The following PDIA4 variants were observed in gnomAD, a reference collection of about 807,000 sequenced individuals.
PDIA4 encodes protein disulfide-isomerase A4.
In PDIA4, 33 loss-of-function variants were observed where a neutral mutation model predicts 62.1. The ratio of observed to expected loss-of-function variants is 0.53; its 90% CI spans 0.40 to 0.71. The LOEUF (loss-of-function observed/expected upper bound fraction) is 0.71. Ranked by LOEUF, PDIA4 falls within the 30% of genes least tolerant of loss-of-function variation. The probability of loss-of-function intolerance (pLI) is 0.00; values close to 1 mark genes in which losing one functional copy is unlikely to be tolerated. For missense variants in PDIA4, 804 were observed against 813.6 expected, an observed-to-expected ratio of 0.99 and a Z score of 0.14; for synonymous variants, 341 against 324.1, an observed-to-expected ratio of 1.05 and a Z score of -0.56.
Position 149,011,834 on chromosome 7 carries a change from G to A in PDIA4, c.979+12C>T, listed in dbSNP as rs866765414. 1.3e-6 allele frequency: 2 copies of A among 1,554,530 alleles called. No homozygotes were observed. Among genetic ancestry groups the A allele is most frequent in the African/African-American group, 1.4e-5 (1 of 73,236 alleles). On this transcript the variant is annotated intron_variant, in intron 6 of 9. Transcript: ENST00000652332. ...ACGCACATTTTGTTCAGCCCAGAGG[G>A]CCACAACTCACCGGCATCCTGGTAT...
At chr7:149,005,433 C>A in intron 8 of PDIA4, 59 bp from the exon 9 acceptor site, 1 of 1,103,774 alleles carries the variant, frequency 9.1e-7, no homozygotes, top group East Asian at 2.4e-5. Context: ...CCAGCTCAGA[C>A]TCTGAGGTCA....
chr7:149,005,233 G>A lies in PDIA4; in HGVS notation c.1430C>T (p.Ala477Val). Residue 477 changes from alanine (A) to valine (V), a missense_variant, in exon 9 of 10, where the codon GCC (alanine) becomes GTC (valine). By Grantham distance (64) the Ala-to-Val change is moderately conservative. Coordinates refer to ENST00000652332, the MANE Select transcript of PDIA4 (RefSeq NM_004911.5). Reference protein sequence around the residue: ...LSESGEDVNAAILDESGKKFA... With the variant: ...LSESGEDVNAVILDESGKKFA... ...CTTCTTCCCACTCTCGTCCAGGATG[G>A]CGGCATTGACATCCTCCCCACTCTC... The A allele has an allele frequency of 1.9e-6, 3 of 1,614,092 alleles. No individual in the cohort carries two copies. The highest frequency in any genetic ancestry group is 2.5e-6 in the Non-Finnish European group (3 of 1,179,948).
At chr7:149,027,944 C>T (rs532832838) in intron 1 of PDIA4, 4 of 500,144 alleles carry the variant, frequency 8.0e-6, no homozygotes, top group Non-Finnish European at 1.6e-5. Context: ...CTCTCCCTTC[C>T]CACTGCCTGG....
rs1436488496 is a variant in PDIA4, at chr7:149,012,006, TG to T, written c.821-3del. The T allele has an allele frequency of 6.3e-7, 1 of 1,591,436 alleles. No individual in the cohort carries two copies. The highest frequency in any genetic ancestry group is 8.6e-7 in the Non-Finnish European group (1 of 1,167,278). ...GCTCGATCATGTAATCAACGATTCC[TG>T]GGAGCAGGGCACACGCCTGAGCAGG... On this transcript the variant is annotated splice_polypyrimidine_tract_variant and splice_region_variant and intron_variant, in intron 5 of 9. Transcript: ENST00000652332.
chr7:149,008,206 T>C lies in PDIA4; in HGVS notation c.1084A>G (p.Lys362Glu), dbSNP rs763615906. Reference sequence around the variant, plus strand: ...CGGGGCTCATACTTGGACTGGAATTTCTCAGGCTGCATTACAACCAACTGC... The same window carrying C: ...CGGGGCTCATACTTGGACTGGAATTCCTCAGGCTGCATTACAACCAACTGC... ...QGQLVVMQPE[K>E]FQSKYEPRSH... The change falls in exon 7 of 10, where the codon AAA becomes GAA. Residue 362 changes from lysine (K) to glutamate (E), a missense_variant. Transcript: ENST00000652332. 6.2e-7 allele frequency: 1 copy of C among 1,614,014 alleles called. No homozygotes were observed. Among genetic ancestry groups the C allele is most frequent in the Non-Finnish European group, 8.5e-7 (1 of 1,180,014 alleles).
intron 2 of PDIA4, 35 bp downstream of exon 2, chr7:149,020,932 T>C (rs2129505441): frequency 1.2e-6 from 2 of 1,608,074 alleles, no homozygotes; most frequent in Non-Finnish European, 1.7e-6. Flanking sequence ...AGCACAGCGC[T>C]TGTCCACCTG....
At chr7:149,027,441 G>A (rs937804912) in intron 1 of PDIA4, among the ~76,000 whole-genome samples, 2 of 152,190 alleles carry the variant, frequency 1.3e-5, no homozygotes, top group Non-Finnish European at 2.9e-5. Context: ...CATTATCAAA[G>A]AGTGTATATT....
chr7:149,010,758 C>T (rs1447028040), intron 6 of PDIA4, among the ~76,000 whole-genome samples: 1 of 152,226 alleles, frequency 6.6e-6, no homozygotes. Flanking sequence ...GCCCCATCTG[C>T]AGCCCTAACC....
In PDIA4 at chr7:149,028,445, G is replaced by T. The variant is rs1257284326; in HGVS notation, c.-37C>A. 4.3e-6 allele frequency: 6 copies of T among 1,389,858 alleles called. No individual in the cohort carries two copies. The highest frequency in any genetic ancestry group is 1.4e-5 in the South Asian group (1 of 73,004). 86.1% of individuals were successfully genotyped at this position (1,389,858 alleles called of 1,614,324 possible). A position where few individuals can be genotyped will look rare whatever the true frequency, so the allele number is the denominator to read the frequency against. ...CGGAGCGCGGCCTCCTAGCGTCGGC[G>T]GCCGCTGAGCGCACCGAGAACTCGG... On this transcript the variant is annotated 5_prime_UTR_variant, in exon 1 of 10. Transcript: ENST00000652332.
At chr7:149,007,561 T>G (rs1823806186) in intron 7 of PDIA4, among the ~76,000 whole-genome samples, 1 of 152,202 alleles carries the variant, frequency 6.6e-6, no homozygotes, top group Non-Finnish European at 1.5e-5. Context: ...GGGCCCCTTC[T>G]AAAGCACTCA....
intron 1 of PDIA4, among the ~76,000 whole-genome samples, chr7:149,025,034 C>T (rs1824498057): frequency 7.1e-6 from 1 of 141,018 alleles, no homozygotes; most frequent in African/African-American, 2.6e-5. Context: ...GACGCCATTG[C>T]ACTCCAGCCT....
chr7:149,018,433 CTGTT>C (rs1425639343), intron 3 of PDIA4, among the ~76,000 whole-genome samples: 7 of 151,470 alleles, frequency 4.6e-5, no homozygotes, highest in African/African-American at 1.7e-4. Flanking sequence ...CCTTACACTC[CTGTT>C]TATTTATTTT....
At chr7:149,027,349 C>A (rs1824593039) in intron 1 of PDIA4, among the ~76,000 whole-genome samples, 1 of 152,180 alleles carries the variant, frequency 6.6e-6, no homozygotes, top group African/African-American at 2.4e-5. Context: ...TGGGCAAAGA[C>A]TCTTTTTGAA....
chr7:149,010,990 G>A lies in PDIA4; in HGVS notation c.979+856C>T, dbSNP rs544148891. Among the ~76,000 whole-genome samples, 32 of 152,324 alleles carry A rather than the reference G, an allele frequency of 2.1e-4. 1 individual carries two copies. The highest frequency in any genetic ancestry group is 6.2e-4 in the South Asian group (3 of 4,830). ...CAAGTTTCTTCCTGACTAGTTAGGC[G>A]TGAATAACAAGGCCACCTAATTAAC... On this transcript the variant is annotated intron_variant, in intron 6 of 9. Coordinates refer to ENST00000652332, the MANE Select transcript of PDIA4 (RefSeq NM_004911.5).
At chr7:149,015,156 C>G (rs1824084557) in intron 3 of PDIA4, 114 bp from the exon 4 acceptor site, 3 of 1,048,674 alleles carry the variant, frequency 2.9e-6, no homozygotes, top group Middle Eastern at 3.0e-4. Context: ...CCCACAAGAA[C>G]AGGAGGTGTC....
Position 149,004,149 on chromosome 7 carries a change from T to G in PDIA4, c.1583A>C (p.Lys528Thr), listed in dbSNP as rs141944697. The G allele has an allele frequency of 1.2e-6, 2 of 1,614,152 alleles. No individual in the cohort carries two copies. Among genetic ancestry groups the G allele is most frequent in the Non-Finnish European group, 1.7e-6 (2 of 1,180,026 alleles). Reference sequence around the variant, plus strand: ...GTCAAAGGTCTTTCCCACCACGACCTTGACGGGTCCCTTGTTGTTCTTGGG... The same window carrying G: ...GTCAAAGGTCTTTCCCACCACGACCGTGACGGGTCCCTTGTTGTTCTTGGG... ...PVPKNNKGPV[K>T]VVVGKTFDSI... The change falls in exon 10 of 10, where the codon AAG (lysine) becomes ACG (threonine). Residue 528 changes from lysine (K) to threonine (T), a missense_variant. Lys to Thr is a moderately conservative substitution (Grantham distance 78). Transcript: ENST00000652332.
At chr7:149,006,474 C>T (rs1349181453) in intron 7 of PDIA4, among the ~76,000 whole-genome samples, 1 of 152,262 alleles carries the variant, frequency 6.6e-6, no homozygotes, top group Non-Finnish European at 1.5e-5. Context: ...GAGTCCCTCA[C>T]AGACATCGCC....
Position 149,019,188 on chromosome 7 carries a change from A to G in PDIA4, c.279T>C (p.His93=), listed in dbSNP as rs1409932206. The part of the protein sequence containing the change: ...LLEFYAPWCG[H]CKQFAPEYEK... The stretch of plus-strand genomic sequence containing the variant: ...CATATTCCGGAGCAAACTGCTTGCA[A>G]TGTCCACACCTAACAATTAGATTAG... Residue 93 remains histidine (H), a synonymous_variant, in exon 3 of 10, where the codon CAT becomes CAC. Transcript: ENST00000652332. 2.5e-6 allele frequency: 4 copies of G among 1,611,582 alleles called. No homozygotes were observed. The African/African-American group carries it at 5.3e-5, about 22-fold the overall frequency.
chr7:149,005,459 C>T (rs1009966205), intron 8 of PDIA4, 85 bp from the exon 9 acceptor site: 9 of 826,526 alleles, frequency 1.1e-5, no homozygotes, highest in African/African-American at 3.4e-5. Context: ...CAGGTCCTGT[C>T]GCTAATATTC....
Sources: allele counts gnomAD v4.1 joint callset (sites outside exome capture counted in the v4.1 genomes callset), GRCh38; gene constraint gnomAD v4.1.1; transcripts MANE v1.5; gene names NCBI Gene and HGNC (gene_info 2026-07-23, HGNC 2026-07-21).